CLMN: variants seen among roughly 807,000 people sequenced by gnomAD.
CLMN encodes calmin (calponin-like, transmembrane).
In CLMN, 57 loss-of-function variants were observed where a neutral mutation model predicts 92.7. That is an observed-to-expected ratio of 0.61 (90% confidence interval 0.50 to 0.77). CLMN has a LOEUF of 0.77. Ranked by LOEUF, CLMN falls within the 30% of genes least tolerant of loss-of-function variation. CLMN has a pLI of 0.00. For missense variants in CLMN, 1,158 were observed against 1,237.5 expected (o/e 0.94, Z 0.96); for synonymous variants, 466 against 470.6 (o/e 0.99, Z 0.13).
At chr14:95,308,199 T>C (rs1289049032) in intron 1 of CLMN, among the ~76,000 whole-genome samples, 2 of 152,248 alleles carry the variant, frequency 1.3e-5, no homozygotes, top group Admixed American at 6.5e-5. Flanking sequence ...AGTCAGCCTT[T>C]ACTTTGTTAG....
intron 1 of CLMN, among the ~76,000 whole-genome samples, chr14:95,245,244 A>ATATATATATATATAT (rs1566891285): frequency 1.6e-4 from 6 of 37,952 alleles, no homozygotes; most frequent in African/African-American, 9.9e-4. Context: ...TATATTATAT[A>ATATATATATATATAT]TATATATATA....
intron 1 of CLMN, among the ~76,000 whole-genome samples, chr14:95,231,059 C>T (rs1441383348): frequency 6.6e-6 from 1 of 152,012 alleles, no homozygotes; most frequent in African/African-American, 2.4e-5. Flanking sequence ...AACAGGGGTC[C>T]CCAACCCCCA....
chr14:95,213,090 G>A, intron 6 of CLMN, 129 bp downstream of exon 6: 1 of 1,052,268 alleles, frequency 9.5e-7, no homozygotes, highest in East Asian at 2.6e-5. Context: ...CCTGCCCCCT[G>A]TTCTGATATT....
chr14:95,222,432 A>G (rs1268103389), intron 3 of CLMN: 5 of 387,390 alleles, frequency 1.3e-5, no homozygotes, highest in Non-Finnish European at 2.6e-5. Flanking sequence ...ACGCTCCTCC[A>G]GGTTGGGGGA....
intron 1 of CLMN, among the ~76,000 whole-genome samples, chr14:95,265,452 CA>C (rs1409707788): frequency 6.6e-6 from 1 of 152,184 alleles, no homozygotes; most frequent in African/African-American, 2.4e-5. Context: ...TTGATCTCGC[CA>C]AACTCCACAA....
chr14:95,249,305 T>C (rs532849562), intron 1 of CLMN, among the ~76,000 whole-genome samples: 1 of 152,320 alleles, frequency 6.6e-6, no homozygotes, highest in East Asian at 1.9e-4. Context: ...AGCAGATAAC[T>C]TGTCTTTTAG....
At chr14:95,210,544 C>T in intron 7 of CLMN, 142 bp downstream of exon 7, 1 of 715,188 alleles carries the variant, frequency 1.4e-6, no homozygotes, top group South Asian at 1.8e-5. Flanking sequence ...GAAAAATATC[C>T]ATATGATCTG....
intron 1 of CLMN, among the ~76,000 whole-genome samples, chr14:95,241,802 T>C (rs1375302541): frequency 6.6e-6 from 1 of 152,166 alleles, no homozygotes. Flanking sequence ...ATATACAAAC[T>C]GTCTAAATGT....
intron 8 of CLMN, among the ~76,000 whole-genome samples, chr14:95,205,747 AG>A (rs1897029844): frequency 6.6e-6 from 1 of 152,252 alleles, no homozygotes; most frequent in Non-Finnish European, 1.5e-5. Context: ...TATTAATTTA[AG>A]GTAAGCTGAT....
intron 1 of CLMN, among the ~76,000 whole-genome samples, chr14:95,250,079 C>T (rs771683517): frequency 4.6e-5 from 7 of 152,252 alleles, no homozygotes; most frequent in Middle Eastern, 3.2e-3. Context: ...GATTACACAA[C>T]CGCCACTGCT....
At chr14:95,246,652 A>G (rs1181379110) in intron 1 of CLMN, among the ~76,000 whole-genome samples, 2 of 152,276 alleles carry the variant, frequency 1.3e-5, no homozygotes, top group African/African-American at 4.8e-5. Flanking sequence ...TATTTTTGGT[A>G]GAGGTGGGGT....
At chr14:95,242,694 A>G (rs1436881561) in intron 1 of CLMN, among the ~76,000 whole-genome samples, 2 of 152,106 alleles carry the variant, frequency 1.3e-5, no homozygotes, top group African/African-American at 4.8e-5. Flanking sequence ...CAGCCTCCCA[A>G]GTAGCTGGGA....
At position 95,259,970 on chromosome 14, in the gene CLMN, T is replaced by C. The variant is rs1160886062; in HGVS notation, c.83-29837A>G. On this transcript the variant is annotated intron_variant, in intron 1 of 12. Coordinates refer to ENST00000298912, the MANE Select transcript of CLMN (RefSeq NM_024734.4). The surrounding 1 kb of genome is among the most constrained non-coding windows in gnomAD (Gnocchi z 4.3). ...CACTCTCTCCCTGCACTTCTCCACC[T>C]GCTCGTCAAATTCCTCTGGCTGCCC... Among the ~76,000 whole-genome samples, 1 of 152,176 alleles carries C rather than the reference T, an allele frequency of 6.6e-6. No individual in the cohort carries two copies. The highest frequency in any genetic ancestry group is 1.5e-5 in the Non-Finnish European group (1 of 68,030).
intron 2 of CLMN, among the ~76,000 whole-genome samples, chr14:95,226,206 A>T (rs1391706402): frequency 1.3e-5 from 2 of 152,186 alleles, no homozygotes; most frequent in Non-Finnish European, 2.9e-5. Context: ...ATATAATGGC[A>T]CAGTATTTGT....
intron 1 of CLMN, among the ~76,000 whole-genome samples, chr14:95,257,900 G>C (rs1899066586): frequency 6.6e-6 from 1 of 152,236 alleles, no homozygotes; most frequent in South Asian, 2.1e-4. Context: ...CCGCTTGGTA[G>C]AGAAAGTCGG....
In CLMN at chr14:95,229,668, C is replaced by T. The variant is rs191144330; in HGVS notation, c.144+404G>A. The stretch of plus-strand genomic sequence containing the variant: ...TACTATTATTATTATTAAATAGCAA[C>T]ATTATGTGACTTTAGAAGGAAATCT... On this transcript the variant is annotated intron_variant, in intron 2 of 12. Coordinates refer to ENST00000298912, the MANE Select transcript of CLMN (RefSeq NM_024734.4). Among the ~76,000 whole-genome samples, 535 of 152,162 alleles carry T rather than the reference C, an allele frequency of 3.5e-3. 3 individuals carry two copies. Among genetic ancestry groups the T allele is most frequent in the Non-Finnish European group, 5.4e-3 (365 of 67,988 alleles).
At position 95,259,629 on chromosome 14, in the gene CLMN, C is replaced by CA. The variant is rs1392582531; in HGVS notation, c.83-29497dup. Among the ~76,000 whole-genome samples the CA allele has an allele frequency of 5.9e-5, 9 of 152,230 alleles. No individual in the cohort carries two copies. The South Asian group carries it at 1.9e-3, about 32-fold the overall frequency. ...CTGGTTGGGGGCTAGGAGAGGAGAT[C>CA]ACTTGCACAGGGCCCACCCCCACCC... On this transcript the variant is annotated intron_variant, in intron 1 of 12. Coordinates refer to ENST00000298912, the MANE Select transcript of CLMN (RefSeq NM_024734.4). This position sits in a 1 kb window ranked among gnomAD's most constrained non-coding sequence, Gnocchi z 4.3.
chr14:95,277,622 T>C (rs956263151), intron 1 of CLMN, among the ~76,000 whole-genome samples: 1 of 152,202 alleles, frequency 6.6e-6, no homozygotes, highest in Non-Finnish European at 1.5e-5. Flanking sequence ...TTTTCTTTTC[T>C]TTTTCTTTCT....
In CLMN at chr14:95,194,871, T is replaced by TA. The variant is rs767081066; in HGVS notation, c.2709-276dup. Among the ~76,000 whole-genome samples, 6 of 152,208 alleles carry TA rather than the reference T, an allele frequency of 3.9e-5. No individual in the cohort carries two copies. Among genetic ancestry groups the TA allele is most frequent in the Non-Finnish European group, 7.3e-5 (5 of 68,040 alleles). ...AAATAGAAAGCAAGGCACATATTCT[T>TA]AAAAATCAAAGCATTTGGAGCAGGA... On this transcript the variant is annotated intron_variant, in intron 10 of 12. Transcript: ENST00000298912. The surrounding 1 kb of genome is among the most constrained non-coding windows in gnomAD (Gnocchi z 4.0).
Sources: gnomAD v4.1 joint callset for allele counts (sites outside exome capture counted in the v4.1 genomes callset) on GRCh38, gnomAD v4.1.1 for gene constraint, Gnocchi (gnomAD v3.1) non-coding constraint, MANE v1.5 for transcripts, NCBI Gene and HGNC (gene_info 2026-07-23, HGNC 2026-07-21) for gene names.